Variants in ANGPT1 observed in about 807,000 individuals in gnomAD.
ANGPT1 encodes angiopoietin-1.
A neutral mutation model predicts 62.2 loss-of-function variants in ANGPT1; 17 were observed. That is an observed-to-expected ratio of 0.27 (90% CI 0.19 to 0.41). The LOEUF is 0.41. Ranked by LOEUF, ANGPT1 falls within the 10% of genes least tolerant of loss-of-function variation. The pLI, the probability that ANGPT1 is intolerant of heterozygous loss-of-function variation, is 1.00. For synonymous variants in ANGPT1, 199 were observed against 198.9 expected (o/e 1.00, Z 0.00); for missense variants, 478 against 594.9 (o/e 0.80, Z 2.04).
At chr8:107,269,999 T>C (rs1813702068) in intron 7 of ANGPT1, among the ~76,000 whole-genome samples, 1 of 152,100 alleles carries the variant, frequency 6.6e-6, no homozygotes, top group Non-Finnish European at 1.5e-5. Flanking sequence ...TTATAAAGAC[T>C]AAATCATCAC....
At chr8:107,494,196 C>T (rs1813035128) in intron 1 of ANGPT1, among the ~76,000 whole-genome samples, 1 of 152,134 alleles carries the variant, frequency 6.6e-6, no homozygotes, top group African/African-American at 2.4e-5. Flanking sequence ...GAACATTATA[C>T]ATATTTAAAT....
intron 1 of ANGPT1, among the ~76,000 whole-genome samples, chr8:107,367,551 GTC>G (rs1163779036): frequency 6.6e-6 from 1 of 151,974 alleles, no homozygotes; most frequent in Admixed American, 6.6e-5. Context: ...CATGCTCTCT[GTC>G]TCTCTCTGTC....
intron 1 of ANGPT1, among the ~76,000 whole-genome samples, chr8:107,371,648 C>T (rs1816417192): frequency 6.9e-6 from 1 of 145,444 alleles, no homozygotes; most frequent in Non-Finnish European, 1.5e-5. Context: ...ACAATCTTGG[C>T]TCACTGCAAC....
chr8:107,457,468 T>C lies in ANGPT1; in HGVS notation c.297+39794A>G, dbSNP rs184069135. On this transcript the variant is annotated intron_variant, in intron 1 of 8. Transcript: ENST00000517746. ...ATTATAATAAAGATTATCAGTTAAC[T>C]TAGCTTTCCACATGAGGCTTCTTTG... 7.9e-5 allele frequency among the ~76,000 whole-genome samples: 12 copies of C among 152,068 alleles called. No individual in the cohort carries two copies. The East Asian group carries it at 2.1e-3, about 27-fold the overall frequency.
intron 8 of ANGPT1, among the ~76,000 whole-genome samples, chr8:107,255,974 A>C (rs1257516553): frequency 6.6e-6 from 1 of 152,226 alleles, no homozygotes. Flanking sequence ...AAATAATTAG[A>C]CCCAAATAAG....
chr8:107,284,110 C>T (rs1785210651), intron 7 of ANGPT1: 1 of 152,114 alleles, frequency 6.6e-6, no homozygotes, highest in African/African-American at 2.4e-5. Flanking sequence ...TCTATTTTTA[C>T]ATCTGCAATC....
intron 6 of ANGPT1, among the ~76,000 whole-genome samples, chr8:107,290,751 T>A (rs1190916920): frequency 6.6e-6 from 1 of 152,182 alleles, no homozygotes; most frequent in Non-Finnish European, 1.5e-5. Context: ...GAATAAAGCA[T>A]GATAGCCTTT....
At chr8:107,349,609 A>G (rs1045367567) in intron 1 of ANGPT1, among the ~76,000 whole-genome samples, 1 of 152,104 alleles carries the variant, frequency 6.6e-6, no homozygotes, top group Non-Finnish European at 1.5e-5. Flanking sequence ...TTATAATCAC[A>G]CTTAAACTTC....
At position 107,491,021 on chromosome 8, in the gene ANGPT1, C is replaced by T. The variant is rs144639400; in HGVS notation, c.297+6241G>A. On this transcript the variant is annotated intron_variant, in intron 1 of 8. Transcript: ENST00000517746. ...AAATATAGTTGCATCAAATTTCACC[C>T]ATCAATTTGATTATAGTCCAAATCT... Among the ~76,000 whole-genome samples, 107 of 152,142 alleles carry T rather than the reference C, an allele frequency of 7.0e-4. 3 individuals carry two copies. In the East Asian group the frequency reaches 0.02, roughly 28 times the overall value.
chr8:107,344,347 AAGGCCAAGAG>A (rs1815758729), intron 2 of ANGPT1, among the ~76,000 whole-genome samples: 1 of 152,200 alleles, frequency 6.6e-6, no homozygotes, highest in Admixed American at 6.5e-5. Context: ...GAGGAACTTG[AAGGCCAAGAG>A]ATATTGGTAC....
chr8:107,461,834 A>G (rs563314133), intron 1 of ANGPT1, among the ~76,000 whole-genome samples: 3 of 152,152 alleles, frequency 2.0e-5, no homozygotes, highest in South Asian at 2.1e-4. Context: ...CTCTCTACAC[A>G]CTGAAATATA....
chr8:107,413,962 A>C (rs1183508055), intron 1 of ANGPT1, among the ~76,000 whole-genome samples: 1 of 152,164 alleles, frequency 6.6e-6, no homozygotes, highest in Non-Finnish European at 1.5e-5. Flanking sequence ...GAAAGGAAAC[A>C]TAGGAAGAAA....
At chr8:107,379,447 C>T (rs1357361973) in intron 1 of ANGPT1, among the ~76,000 whole-genome samples, 1 of 152,054 alleles carries the variant, frequency 6.6e-6, no homozygotes, top group African/African-American at 2.4e-5. Context: ...ATAGAGCAAG[C>T]ATTACAGCAC....
At chr8:107,280,232 C>T (rs1419453806) in intron 7 of ANGPT1, among the ~76,000 whole-genome samples, 1 of 151,720 alleles carries the variant, frequency 6.6e-6, no homozygotes. Context: ...TGGCGTTTCA[C>T]TCTTGTCGCC....
chr8:107,435,169 G>A (rs1439785657), intron 1 of ANGPT1, among the ~76,000 whole-genome samples: 2 of 152,190 alleles, frequency 1.3e-5, no homozygotes, highest in Non-Finnish European at 2.9e-5. Flanking sequence ...TCAGAAATTT[G>A]ATTGTGGTGC....
intron 5 of ANGPT1, among the ~76,000 whole-genome samples, chr8:107,300,553 T>C (rs2129969596): frequency 6.6e-6 from 1 of 151,958 alleles, no homozygotes; most frequent in East Asian, 1.9e-4. Context: ...TCAATAAAAC[T>C]AAATCTAAAT....
At chr8:107,437,685 ACTTTGT>A (rs1379829596) in intron 1 of ANGPT1, among the ~76,000 whole-genome samples, 1 of 152,176 alleles carries the variant, frequency 6.6e-6, no homozygotes, top group Non-Finnish European at 1.5e-5. Flanking sequence ...ATTATTGCAG[ACTTTGT>A]CTTTGTGAGC....
intron 4 of ANGPT1, among the ~76,000 whole-genome samples, chr8:107,315,303 A>C (rs1181489773): frequency 6.6e-6 from 1 of 152,116 alleles, no homozygotes; most frequent in African/African-American, 2.4e-5. Flanking sequence ...TAAGTATATA[A>C]ACATGTTCTT....
chr8:107,385,193 T>C (rs920923730), intron 1 of ANGPT1, among the ~76,000 whole-genome samples: 1 of 152,080 alleles, frequency 6.6e-6, no homozygotes, highest in African/African-American at 2.4e-5. Flanking sequence ...TTGATAAGAA[T>C]AGCCTTGCAT....
Sources: allele counts gnomAD v4.1 joint callset (sites outside exome capture counted in the v4.1 genomes callset), GRCh38; gene constraint gnomAD v4.1.1; transcripts MANE v1.5; gene names NCBI Gene and HGNC (gene_info 2026-07-23, HGNC 2026-07-21).